Variants in SDK1 observed in about 807,000 individuals in gnomAD.
The protein encoded by SDK1 is sidekick cell adhesion molecule 1, also known as protein sidekick-1.
In SDK1, 157 loss-of-function variants were observed where a neutral mutation model predicts 245.5. That is an observed-to-expected ratio of 0.64 (90% CI 0.56 to 0.73). The LOEUF (loss-of-function observed/expected upper bound fraction) is 0.73. SDK1 is among the 30% of genes least tolerant of loss of function. The probability of loss-of-function intolerance (pLI) is 0.00; values close to 1 mark genes in which losing one functional copy is unlikely to be tolerated. For missense variants in SDK1, 3,583 were observed against 3,002.3 expected (o/e 1.19, Z -4.52); for synonymous variants, 1,647 against 1,278.5 (o/e 1.29, Z -6.15).
intron 13 of SDK1, among the ~76,000 whole-genome samples, chr7:3,978,985 A>G (rs559940098): frequency 4.6e-5 from 7 of 152,278 alleles, no homozygotes; most frequent in African/African-American, 1.2e-4. Flanking sequence ...ACTTAGCACT[A>G]AGCTTCACCT....
At chr7:3,318,017 T>A (rs1468167469) in intron 1 of SDK1, among the ~76,000 whole-genome samples, 5 of 152,218 alleles carry the variant, frequency 3.3e-5, no homozygotes, top group Non-Finnish European at 5.9e-5. Flanking sequence ...CTTGAGGCTA[T>A]CACTGTTTCC....
intron 8 of SDK1, among the ~76,000 whole-genome samples, chr7:3,959,864 C>T (rs539839810): frequency 9.2e-5 from 14 of 152,190 alleles, no homozygotes; most frequent in African/African-American, 3.4e-4. Context: ...GCCCTCATCC[C>T]CATGCTTCAA....
At chr7:3,995,656 G>A (rs558050458) in intron 14 of SDK1, among the ~76,000 whole-genome samples, 5 of 152,312 alleles carry the variant, frequency 3.3e-5, no homozygotes, top group African/African-American at 1.2e-4. Flanking sequence ...TCATTCAGGA[G>A]GTTGAGGGTT....
chr7:4,011,229 G>A, intron 15 of SDK1, 116 bp downstream of exon 15: 1 of 1,306,530 alleles, frequency 7.7e-7, no homozygotes. Flanking sequence ...TTCCCTCAGG[G>A]AGACGGGACA....
chr7:4,070,048 G>C (rs930192524), intron 20 of SDK1, among the ~76,000 whole-genome samples: 1 of 152,196 alleles, frequency 6.6e-6, no homozygotes, highest in Middle Eastern at 3.2e-3. Flanking sequence ...AGCACCCTGA[G>C]GCCACAGAAA....
intron 41 of SDK1, among the ~76,000 whole-genome samples, chr7:4,234,651 G>A (rs781461135): frequency 6.6e-6 from 1 of 152,148 alleles, no homozygotes; most frequent in Non-Finnish European, 1.5e-5. Context: ...AACCCTGGCC[G>A]CACCTTAGGG....
chr7:3,563,010 AG>A (rs1779798398), intron 1 of SDK1, among the ~76,000 whole-genome samples: 1 of 152,196 alleles, frequency 6.6e-6, no homozygotes, highest in South Asian at 2.1e-4. Context: ...AATACATGCA[AG>A]TAACCCAGAG....
chr7:4,266,902 C>T lies in SDK1; in HGVS notation c.*1518C>T. ...CACGGCAAACGGGCAGGTGCCGTTC[C>T]CCCAGTGACCTGAGGGTAGGGGACA... On this transcript the variant is annotated 3_prime_UTR_variant, in exon 45 of 45. Coordinates refer to ENST00000404826, the MANE Select transcript of SDK1 (RefSeq NM_152744.4). The T allele has an allele frequency of 1.0e-6, 1 of 985,478 alleles. No homozygotes were observed. The highest frequency in any genetic ancestry group is 1.2e-6 in the Non-Finnish European group (1 of 829,972). The allele number at this position is 985,478 out of a possible 1,614,324, so 61.0% of individuals were successfully genotyped here. A position where few individuals can be genotyped will look rare whatever the true frequency, so the allele number is the denominator to read the frequency against.
intron 1 of SDK1, among the ~76,000 whole-genome samples, chr7:3,572,452 C>T (rs1475614565): frequency 6.6e-6 from 1 of 151,938 alleles, no homozygotes; most frequent in Non-Finnish European, 1.5e-5. Flanking sequence ...TCACTTCTGA[C>T]TGGGGAATTT....
At chr7:4,115,892 T>C (rs755298750) in intron 25 of SDK1, among the ~76,000 whole-genome samples, 28 of 152,102 alleles carry the variant, frequency 1.8e-4, no homozygotes, top group Non-Finnish European at 3.4e-4. Context: ...TGATGGGAAA[T>C]GGACAGAAAG....
chr7:3,513,613 C>T (rs1331253176), intron 1 of SDK1, among the ~76,000 whole-genome samples: 1 of 152,086 alleles, frequency 6.6e-6, no homozygotes, highest in Admixed American at 6.6e-5. Flanking sequence ...TTATTCTATA[C>T]AGTTCGTAAT....
At chr7:3,684,750 C>T (rs917336879) in intron 4 of SDK1, among the ~76,000 whole-genome samples, 1 of 94,690 alleles carries the variant, frequency 1.1e-5, no homozygotes, top group East Asian at 2.7e-4. Context: ...TTTGAATTCT[C>T]TTGAAATAAA....
At position 4,014,684 on chromosome 7, in the gene SDK1, G is replaced by A. The variant is rs537680121; in HGVS notation, c.2420+2449G>A. On this transcript the variant is annotated intron_variant, in intron 16 of 44. Transcript: ENST00000404826. ...ATAATAATAGGGAGGGTGTTTCTTT[G>A]AGAGGAGCATAGGGGTTATGTCCTT... Among the ~76,000 whole-genome samples the A allele has an allele frequency of 9.2e-5, 14 of 152,326 alleles. 1 individual carries two copies. In the South Asian group the frequency reaches 2.9e-3, roughly 32 times the overall value.
At chr7:3,355,355 G>C (rs188093764) in intron 1 of SDK1, among the ~76,000 whole-genome samples, 54 of 152,244 alleles carry the variant, frequency 3.5e-4, no homozygotes, top group African/African-American at 1.2e-3. Flanking sequence ...TTGCTTTGTT[G>C]CCTGGGGTGG....
intron 25 of SDK1, among the ~76,000 whole-genome samples, chr7:4,121,674 C>G (rs1050136003): frequency 6.6e-6 from 1 of 152,176 alleles, no homozygotes; most frequent in African/African-American, 2.4e-5. Context: ...AGAGCCCTTG[C>G]AGAATCCCCT....
chr7:3,761,211 T>C (rs1187101624), intron 4 of SDK1, among the ~76,000 whole-genome samples: 1 of 151,258 alleles, frequency 6.6e-6, no homozygotes, highest in East Asian at 1.9e-4. Flanking sequence ...GATTTTTTTC[T>C]AATTTCATTG....
chr7:3,571,328 GATCTT>G (rs1780108015), intron 1 of SDK1, among the ~76,000 whole-genome samples: 1 of 151,768 alleles, frequency 6.6e-6, no homozygotes, highest in Non-Finnish European at 1.5e-5. Context: ...TTGAGATGGG[GATCTT>G]ACATTGTCAC....
chr7:3,993,508 A>G (rs1260202860), intron 14 of SDK1, among the ~76,000 whole-genome samples: 1 of 152,218 alleles, frequency 6.6e-6, no homozygotes, highest in Non-Finnish European at 1.5e-5. Context: ...ATTCCCTATT[A>G]TACCTTGTAA....
chr7:4,037,206 A>T (rs1305123413), intron 17 of SDK1, among the ~76,000 whole-genome samples: 2 of 152,254 alleles, frequency 1.3e-5, no homozygotes. Context: ...GACAGGTCAG[A>T]TGACCAAAGA....
Sources: gnomAD v4.1 joint callset for allele counts (sites outside exome capture counted in the v4.1 genomes callset) on GRCh38, gnomAD v4.1.1 for gene constraint, MANE v1.5 for transcripts, NCBI Gene and HGNC (gene_info 2026-07-23, HGNC 2026-07-21) for gene names.